Variants in CAMTA1 observed in about 807,000 individuals in gnomAD.
CAMTA1 encodes calmodulin binding transcription activator 1, also known as calmodulin-binding transcription activator 1.
Under a neutral mutation model 170.9 loss-of-function variants are expected in CAMTA1, and 27 were observed. The observed-to-expected ratio is 0.16, with a 90% CI of 0.12 to 0.22. The LOEUF (loss-of-function observed/expected upper bound fraction) is 0.22. Ranked by LOEUF, CAMTA1 falls within the 10% of genes least tolerant of loss-of-function variation. The pLI, the probability that CAMTA1 is intolerant of heterozygous loss-of-function variation, is 1.00. For missense variants in CAMTA1, 1,619 were observed against 2,217.2 expected (o/e 0.73, Z 5.42); for synonymous variants, 833 against 891.5 (o/e 0.93, Z 1.17).
intron 3 of CAMTA1, among the ~76,000 whole-genome samples, chr1:6,956,067 A>T (rs1689406202): frequency 6.6e-6 from 1 of 152,092 alleles, no homozygotes; most frequent in Non-Finnish European, 1.5e-5. Flanking sequence ...GCGTCGCCTC[A>T]GTTTCATGCA....
chr1:7,759,543 T>C (rs1476475156), intron 22 of CAMTA1, among the ~76,000 whole-genome samples: 1 of 152,224 alleles, frequency 6.6e-6, no homozygotes, highest in African/African-American at 2.4e-5. Context: ...TTTTTTGTCT[T>C]GGACACAATA....
At chr1:7,302,144 G>A (rs371212910) in intron 5 of CAMTA1, among the ~76,000 whole-genome samples, 4 of 143,330 alleles carry the variant, frequency 2.8e-5, no homozygotes, top group South Asian at 2.3e-4. Flanking sequence ...CAAAAGCATC[G>A]ACTGCTTTCT....
At chr1:7,056,615 G>A (rs893704733) in intron 3 of CAMTA1, among the ~76,000 whole-genome samples, 13 of 152,272 alleles carry the variant, frequency 8.5e-5, no homozygotes, top group African/African-American at 2.9e-4. Context: ...GAAAAACAGA[G>A]AGGGTGACTT....
rs765363667 is a variant in CAMTA1 at position 7,664,709 on chromosome 1, C to T, written c.2162C>T (p.Pro721Leu). 9 of 1,608,260 alleles carry T rather than the reference C, an allele frequency of 5.6e-6. No individual in the cohort carries two copies. In the South Asian group the frequency reaches 8.8e-5, roughly 16 times the overall value. The change falls in exon 9 of 23, where the codon CCG (proline) becomes CTG (leucine). Residue 721 changes from proline (P) to leucine (L), a missense_variant. Pro to Leu is a moderately conservative substitution (Grantham distance 98, BLOSUM62 -3). Around this residue, in one of 8 missense-constraint regions of CAMTA1, gnomAD observed 731 missense variants for 907.6 expected, o/e 0.81. Coordinates refer to ENST00000303635, the MANE Select transcript of CAMTA1 (RefSeq NM_015215.4). ...QACSSEHYLQ[P>L]ETNGVIRSAG... ...TGCAGCTCTGAGCACTACCTGCAGC[C>T]GGAGACCAACGGGGTAATCCGAAGC...
intron 11 of CAMTA1, chr1:7,693,631 G>C (rs376917843): frequency 1.2e-4 from 19 of 152,228 alleles, no homozygotes; most frequent in African/African-American, 4.3e-4. Context: ...AGGGAGGAAG[G>C]GCATAGGGCA....
intron 6 of CAMTA1, among the ~76,000 whole-genome samples, chr1:7,574,710 G>T (rs2095169531): frequency 6.6e-6 from 1 of 152,252 alleles, no homozygotes; most frequent in African/African-American, 2.4e-5. Flanking sequence ...TCAGCCGTCT[G>T]TGCCTTCCTG....
chr1:7,696,474 G>A (rs1440304248), intron 11 of CAMTA1, among the ~76,000 whole-genome samples: 2 of 149,092 alleles, frequency 1.3e-5, no homozygotes, highest in African/African-American at 2.5e-5. Context: ...GATTACAGGC[G>A]TGAGCCACAG....
intron 3 of CAMTA1, among the ~76,000 whole-genome samples, chr1:7,072,823 T>C (rs965975812): frequency 6.6e-6 from 1 of 152,214 alleles, no homozygotes; most frequent in African/African-American, 2.4e-5. Flanking sequence ...AGGAGCCTGC[T>C]GTCTGTTCAG....
intron 2 of CAMTA1, 129 bp downstream of exon 2, chr1:6,820,379 G>A (rs961717924): frequency 1.5e-5 from 12 of 799,248 alleles, no homozygotes; most frequent in African/African-American, 3.5e-5. Flanking sequence ...CTTAACTGCT[G>A]TGTGATCTTA....
chr1:7,745,620 T>C (rs891071210), intron 17 of CAMTA1, among the ~76,000 whole-genome samples: 5 of 152,204 alleles, frequency 3.3e-5, no homozygotes, highest in African/African-American at 1.2e-4. Context: ...TGCTACTAGG[T>C]TTTAGTATTT....
At chr1:7,118,937 T>C (rs947141239) in intron 4 of CAMTA1, among the ~76,000 whole-genome samples, 1 of 152,228 alleles carries the variant, frequency 6.6e-6, no homozygotes, top group Non-Finnish European at 1.5e-5. Context: ...CTGATTTTTA[T>C]GCTGAAGAGT....
chr1:6,870,968 T>C (rs1342301975), intron 3 of CAMTA1, among the ~76,000 whole-genome samples: 1 of 152,246 alleles, frequency 6.6e-6, no homozygotes, highest in Non-Finnish European at 1.5e-5. Flanking sequence ...GCAAAGTTTG[T>C]CATGATTTGG....
intron 6 of CAMTA1, among the ~76,000 whole-genome samples, chr1:7,548,794 G>A (rs1400288622): frequency 5.1e-5 from 5 of 98,350 alleles, no homozygotes; most frequent in African/African-American, 1.6e-4. Flanking sequence ...GTCCCTTAGG[G>A]GCGGAGGTGC....
In CAMTA1 at chr1:7,300,602, G is replaced by C. The variant is rs950064984; in HGVS notation, c.438+50976G>C. 6.6e-6 allele frequency among the ~76,000 whole-genome samples: 1 copy of C among 152,072 alleles called. No homozygotes were observed. The highest frequency in any genetic ancestry group is 6.5e-5 in the Admixed American group (1 of 15,270). On this transcript the variant is annotated intron_variant, in intron 5 of 22. Transcript: ENST00000303635. This position sits in a 1 kb window ranked among gnomAD's most constrained non-coding sequence, Gnocchi z 4.1. ...TGAGGTAGGAGAATCACTTGAACCC[G>C]GGAGGCAGAGGTTGCAGTGAGCCAA...
rs1287254584 is a variant in CAMTA1, at chr1:6,970,920, T to C, written c.235-120384T>C. On this transcript the variant is annotated intron_variant, in intron 3 of 22. Transcript: ENST00000303635. This position sits in a 1 kb window ranked among gnomAD's most constrained non-coding sequence, Gnocchi z 4.4. ...CCTCTGCAGGGACCACTGCTGTGTC[T>C]GTTTCCAGCCTCTCCTTTCCTAAAC... Among the ~76,000 whole-genome samples the C allele has an allele frequency of 1.3e-5, 2 of 152,194 alleles. No individual in the cohort carries two copies. The highest frequency in any genetic ancestry group is 1.3e-4 in the Admixed American group (2 of 15,284).
chr1:7,692,557 G>A (rs976004580), intron 11 of CAMTA1, among the ~76,000 whole-genome samples: 4 of 152,140 alleles, frequency 2.6e-5, no homozygotes, highest in Non-Finnish European at 5.9e-5. Flanking sequence ...GTGAGTAGGT[G>A]AGTCGGGGCC....
intron 5 of CAMTA1, among the ~76,000 whole-genome samples, chr1:7,436,966 G>T (rs2092368534): frequency 6.6e-6 from 1 of 152,126 alleles, no homozygotes; most frequent in South Asian, 2.1e-4. Flanking sequence ...GGGGGGAATG[G>T]CAGGGCACAG....
Position 7,580,984 on chromosome 1 carries a change from C to T in CAMTA1, c.511-59416C>T, listed in dbSNP as rs868135327. 3.9e-5 allele frequency among the ~76,000 whole-genome samples: 6 copies of T among 152,212 alleles called. No individual in the cohort carries two copies. Among genetic ancestry groups the T allele is most frequent in the African/African-American group, 9.6e-5 (4 of 41,466 alleles). ...CTAAAAGGTTGTTGAGAAAATGGAA[C>T]GACTGCAGAGCTTAGTAAAGTGCCA... On this transcript the variant is annotated intron_variant, in intron 6 of 22. Transcript: ENST00000303635. This position sits in a 1 kb window ranked among gnomAD's most constrained non-coding sequence, Gnocchi z 4.3.
rs748973810 is a variant in CAMTA1 at position 7,766,514 on chromosome 1, G to A, written c.*23G>A. ...TGAAGACATACAGCAGCATCCCTTA[G>A]CAATGTGACATTGCTTTTCAGACTG... On this transcript the variant is annotated 3_prime_UTR_variant, in exon 23 of 23. Transcript: ENST00000303635. The A allele has an allele frequency of 1.9e-6, 3 of 1,611,486 alleles. No individual in the cohort carries two copies. Among genetic ancestry groups the A allele is most frequent in the East Asian group, 2.2e-5 (1 of 44,876 alleles).
Sources: allele counts gnomAD v4.1 joint callset (sites outside exome capture counted in the v4.1 genomes callset), GRCh38; gene constraint gnomAD v4.1.1; regional missense constraint gnomAD v4.1.1; non-coding constraint Gnocchi (gnomAD v3.1); transcripts MANE v1.5; gene names NCBI Gene and HGNC (gene_info 2026-07-23, HGNC 2026-07-21).